MAP3K14: variants seen among roughly 807,000 people sequenced by gnomAD.
MAP3K14 encodes mitogen-activated protein kinase kinase kinase 14.
In MAP3K14, 16 loss-of-function variants were observed where a neutral mutation model predicts 99.2. The observed-to-expected ratio is 0.16, with a 90% confidence interval of 0.11 to 0.24. MAP3K14 has a LOEUF of 0.24. Among genes scored for constraint, MAP3K14 ranks in the 10% least tolerant of loss-of-function variants. The pLI is 1.00. For synonymous variants in MAP3K14, 462 were observed against 492.4 expected, an observed-to-expected ratio of 0.94 and a Z score of 0.82; for missense variants, 784 against 1,208.7, an observed-to-expected ratio of 0.65 and a Z score of 5.21.
intron 1 of MAP3K14, among the ~76,000 whole-genome samples, chr17:45,315,247 C>T (rs907423103): frequency 3.3e-5 from 5 of 151,850 alleles, no homozygotes; most frequent in Admixed American, 6.6e-5. Flanking sequence ...TCTGTGGTGC[C>T]GCTCCCACAA....
At chr17:45,292,169 T>C (rs1215538327) in intron 1 of MAP3K14, among the ~76,000 whole-genome samples, 1 of 152,252 alleles carries the variant, frequency 6.6e-6, no homozygotes, top group African/African-American at 2.4e-5. Flanking sequence ...GCTCTGAACT[T>C]GGAGCAGCTC....
chr17:45,311,975 G>A (rs1377838194), intron 1 of MAP3K14, among the ~76,000 whole-genome samples: 3 of 152,108 alleles, frequency 2.0e-5, no homozygotes, highest in African/African-American at 4.8e-5. Context: ...TCCCCCCTCC[G>A]CTGTCAGCCC....
At chr17:45,292,758 T>C (rs2044320165) in intron 1 of MAP3K14, among the ~76,000 whole-genome samples, 1 of 152,136 alleles carries the variant, frequency 6.6e-6, no homozygotes, top group Non-Finnish European at 1.5e-5. Flanking sequence ...GGAAATGAGA[T>C]CTTAAGAACA....
At chr17:45,288,907 G>A (rs933326707) in intron 3 of MAP3K14, among the ~76,000 whole-genome samples, 2 of 152,248 alleles carry the variant, frequency 1.3e-5, no homozygotes, top group South Asian at 2.1e-4. Context: ...TCACGGTCAC[G>A]CAAGAGTGGG....
intron 6 of MAP3K14, chr17:45,281,952 A>C (rs965355334): frequency 2.6e-5 from 4 of 151,780 alleles, no homozygotes; most frequent in African/African-American, 9.7e-5. Flanking sequence ...CCCTGATCTT[A>C]CTTTTAATTG....
chr17:45,304,596 C>T (rs140263129), intron 1 of MAP3K14, among the ~76,000 whole-genome samples: 1 of 152,214 alleles, frequency 6.6e-6, no homozygotes, highest in Non-Finnish European at 1.5e-5. Flanking sequence ...TATTTATTTG[C>T]TGTGAAGATG....
intron 9 of MAP3K14, among the ~76,000 whole-genome samples, chr17:45,273,095 C>G (rs186390017): frequency 6.6e-6 from 1 of 152,340 alleles, no homozygotes; most frequent in East Asian, 1.9e-4. Context: ...ATTTCACTGA[C>G]TTTAGAGCCC....
At chr17:45,271,650 TA>T (rs2044143595) in intron 9 of MAP3K14, among the ~76,000 whole-genome samples, 1 of 152,334 alleles carries the variant, frequency 6.6e-6, no homozygotes, top group Non-Finnish European at 1.5e-5. Context: ...CCGGACATGT[TA>T]AAATACTTTA....
chr17:45,283,969 C>T (rs939167421), intron 6 of MAP3K14, among the ~76,000 whole-genome samples: 2 of 152,102 alleles, frequency 1.3e-5, no homozygotes, highest in African/African-American at 4.8e-5. Context: ...AGGACCGACA[C>T]CTGTAAGGTC....
At position 45,273,552 on chromosome 17, in the gene MAP3K14, G is replaced by A; in HGVS notation, c.1608C>T (p.Gly536=). Residue 536 remains glycine, a synonymous_variant, in exon 9 of 16, where the codon GGC becomes GGT. Transcript: ENST00000344686. ...DGSHAALCDF[G]HAVCLQPDGL... ...CATCAGGTTGAAGACACACAGCATGGCCAAAGTCACAGAGGGCTGCGTGGC... is the reference window on the plus strand; with the variant it reads ...CATCAGGTTGAAGACACACAGCATGACCAAAGTCACAGAGGGCTGCGTGGC... The A allele has an allele frequency of 1.9e-6, 3 of 1,613,518 alleles. No individual in the cohort carries two copies. Among genetic ancestry groups the A allele is most frequent in the Non-Finnish European group, 2.5e-6 (3 of 1,179,760 alleles).
At chr17:45,311,095 G>C (rs1232087076) in intron 1 of MAP3K14, among the ~76,000 whole-genome samples, 1 of 152,184 alleles carries the variant, frequency 6.6e-6, no homozygotes, top group African/African-American at 2.4e-5. Context: ...TATAGTTCAG[G>C]CTCTGCCATT....
In MAP3K14 at chr17:45,274,114, G is replaced by C. The variant is rs761972193; in HGVS notation, c.1552+9C>G. The C allele has an allele frequency of 6.8e-6, 11 of 1,609,732 alleles. No individual in the cohort carries two copies. Among genetic ancestry groups the C allele is most frequent in the Non-Finnish European group, 8.5e-6 (10 of 1,177,952 alleles). On this transcript the variant is annotated intron_variant, in intron 8 of 15. Transcript: ENST00000344686. ...GCTGGGGATCAGGGCCGTGGGGCCT[G>C]GGCCTTACCTTTGACGTCCCCATGC...
chr17:45,303,227 C>T (rs1485706926), intron 1 of MAP3K14, among the ~76,000 whole-genome samples: 2 of 152,222 alleles, frequency 1.3e-5, no homozygotes, highest in East Asian at 3.8e-4. Flanking sequence ...TAGCTAGCCT[C>T]TCCTGCCTTT....
At chr17:45,304,130 A>G (rs2044413612) in intron 1 of MAP3K14, among the ~76,000 whole-genome samples, 2 of 148,360 alleles carry the variant, frequency 1.3e-5, no homozygotes, top group South Asian at 4.2e-4. Flanking sequence ...CTCCTGCCTC[A>G]ACCTTCCGAG....
At chr17:45,309,880 G>A (rs1417486908) in intron 1 of MAP3K14, among the ~76,000 whole-genome samples, 3 of 152,134 alleles carry the variant, frequency 2.0e-5, no homozygotes, top group African/African-American at 7.2e-5. Context: ...CATGCTAGAG[G>A]GAGGTGGTGC....
rs1416081182 is a variant in MAP3K14 at position 45,283,216 on chromosome 17, A to G, written c.1290+1596T>C. The stretch of plus-strand genomic sequence containing the variant: ...GGTGCGCGTCTCTTCACACTCTCAC[A>G]CTCTCCTCCCACCACCTCTCAAGAG... On this transcript the variant is annotated intron_variant, in intron 6 of 15. Transcript: ENST00000344686. Among the ~76,000 whole-genome samples, 4 of 151,450 alleles carry G rather than the reference A, an allele frequency of 2.6e-5. No homozygotes were observed. In the South Asian group the frequency reaches 8.3e-4, roughly 31 times the overall value.
chr17:45,283,018 T>C (rs553795083), intron 6 of MAP3K14, among the ~76,000 whole-genome samples: 2 of 152,212 alleles, frequency 1.3e-5, no homozygotes, highest in Non-Finnish European at 2.9e-5. Flanking sequence ...GAGAAGTCCA[T>C]GCCTTGTGCT....
rs921028039 is a variant in MAP3K14 at position 45,305,030 on chromosome 17, G to A, written c.-21+11930C>T. 7.9e-5 allele frequency among the ~76,000 whole-genome samples: 12 copies of A among 152,214 alleles called. No individual in the cohort carries two copies. The South Asian group carries it at 1.2e-3, about 16-fold the overall frequency. On this transcript the variant is annotated intron_variant, in intron 1 of 15. Transcript: ENST00000344686. ...TGGAACCTCCAGTGAGATGGAAGCC[G>A]CTACAAGATGAGCAGTCAGACCTTT...
In MAP3K14 at chr17:45,286,435, G is replaced by C. The variant is rs751945534; in HGVS notation, c.1148C>G (p.Thr383Ser). The part of the protein sequence containing the change: ...KTEDNEGVLL[T>S]EKLKPVDYEY... ...AGGTGCCGGGGGATTAGTTACCTCA[G>C]TGAGCAGGACACCCTCGTTGTCCTC... Residue 383 changes from threonine to serine, a missense_variant, in exon 5 of 16, where the codon ACT (threonine) becomes AGT (serine). Coordinates refer to ENST00000344686, the MANE Select transcript of MAP3K14 (RefSeq NM_003954.5). The surrounding 1 kb of genome is among the most constrained non-coding windows in gnomAD (Gnocchi z 4.1). The C allele has an allele frequency of 6.3e-7, 1 of 1,587,318 alleles. No homozygotes were observed. The highest frequency in any genetic ancestry group is 8.6e-7 in the Non-Finnish European group (1 of 1,163,094).
Sources: gnomAD v4.1 joint callset for allele counts (sites outside exome capture counted in the v4.1 genomes callset) on GRCh38, gnomAD v4.1.1 for gene constraint, Gnocchi (gnomAD v3.1) non-coding constraint, MANE v1.5 for transcripts, NCBI Gene and HGNC (gene_info 2026-07-23, HGNC 2026-07-21) for gene names.